CSTPP1: variants seen among roughly 807,000 people sequenced by gnomAD.
The protein encoded by CSTPP1 is centriolar satellite-associated tubulin polyglutamylase complex regulator 1, also known as UPF0705 protein C11orf49.
chr11:46,993,668 T>C, the CSTPP1 span, among the ~76,000 whole-genome samples: 2 of 152,202 alleles, frequency 1.3e-5, no homozygotes, highest in Non-Finnish European at 2.9e-5. Context: ...CATGCTGTTT[T>C]GGTTACTGTA....
chr11:46,974,905 A>AC, the CSTPP1 span, among the ~76,000 whole-genome samples: 6 of 143,756 alleles, frequency 4.2e-5, no homozygotes, highest in South Asian at 4.5e-4. Context: ...CACACACACA[A>AC]TACTCCAATT....
At chr11:47,006,731 G>T in the CSTPP1 span, among the ~76,000 whole-genome samples, 1 of 148,782 alleles carries the variant, frequency 6.7e-6, no homozygotes. Context: ...TGGGACCACA[G>T]TTGCACGCCA....
the CSTPP1 span, among the ~76,000 whole-genome samples, chr11:46,978,260 T>G: frequency 6.6e-6 from 1 of 152,128 alleles, no homozygotes; most frequent in Non-Finnish European, 1.5e-5. Context: ...AAAGTGCCAC[T>G]GGAAATATTT....
the CSTPP1 span, among the ~76,000 whole-genome samples, chr11:47,127,465 G>T: frequency 4.6e-5 from 7 of 152,172 alleles, no homozygotes; most frequent in Non-Finnish European, 7.3e-5. Context: ...AAGAACAAAG[G>T]CTTGACAAAA....
At chr11:47,145,874 A>T in the CSTPP1 span, among the ~76,000 whole-genome samples, 1 of 152,072 alleles carries the variant, frequency 6.6e-6, no homozygotes, top group Non-Finnish European at 1.5e-5. Flanking sequence ...GGCCTCAGGC[A>T]TTCCTCCTGC....
chr11:47,160,299 CA>C, the CSTPP1 span: 11,905 of 101,956 alleles, frequency 0.12, 626 homozygotes, highest in South Asian at 0.16. Flanking sequence ...AACTCTGTCT[CA>C]AAAAAAAAAA....
At chr11:47,016,397 C>CAAAAAAAAAAAAAAAAAAAAAAA in the CSTPP1 span, among the ~76,000 whole-genome samples, 1 of 74,698 alleles carries the variant, frequency 1.3e-5, no homozygotes, top group Non-Finnish European at 2.7e-5. Context: ...CTACAAAAAA[C>CAAAAAAAAAAAAAAAAAAAAAAA]AAAAAACAAA....
chr11:47,103,267 G>A, the CSTPP1 span, among the ~76,000 whole-genome samples: 2 of 151,932 alleles, frequency 1.3e-5, no homozygotes, highest in Non-Finnish European at 2.9e-5. Context: ...TGGTGTGGTG[G>A]CACATACCTG....
the CSTPP1 span, among the ~76,000 whole-genome samples, chr11:47,003,998 T>C: frequency 6.6e-6 from 1 of 152,152 alleles, no homozygotes; most frequent in Non-Finnish European, 1.5e-5. Flanking sequence ...TTCATCTTCA[T>C]TGTGTGTTGT....
At chr11:47,010,942 T>C in the CSTPP1 span, among the ~76,000 whole-genome samples, 1 of 152,204 alleles carries the variant, frequency 6.6e-6, no homozygotes, top group African/African-American at 2.4e-5. Flanking sequence ...AGAAGTTTTC[T>C]TGGAAGGACA....
chr11:47,132,998 A>G, the CSTPP1 span, among the ~76,000 whole-genome samples: 2 of 152,222 alleles, frequency 1.3e-5, no homozygotes, highest in East Asian at 3.8e-4. Flanking sequence ...TGTTCTAAGC[A>G]CTTTACATTA....
the CSTPP1 span, among the ~76,000 whole-genome samples, chr11:47,088,266 C>G: frequency 6.6e-6 from 1 of 152,132 alleles, no homozygotes; most frequent in Non-Finnish European, 1.5e-5. Context: ...AGTACAGTGC[C>G]TAGCACATAA....
chr11:47,057,446 C>G, the CSTPP1 span, among the ~76,000 whole-genome samples: 1 of 152,124 alleles, frequency 6.6e-6, no homozygotes, highest in African/African-American at 2.4e-5. Flanking sequence ...GGTACTTCCT[C>G]TTCTATCTGT....
the CSTPP1 span, among the ~76,000 whole-genome samples, chr11:47,099,008 G>C: frequency 3.3e-5 from 5 of 151,706 alleles, no homozygotes; most frequent in African/African-American, 1.2e-4. Flanking sequence ...GGGACTGACG[G>C]GTCTTGCTAC....
At chr11:47,125,608 T>A in the CSTPP1 span, among the ~76,000 whole-genome samples, 1 of 152,262 alleles carries the variant, frequency 6.6e-6, no homozygotes, top group African/African-American at 2.4e-5. Context: ...GGAAGTATAA[T>A]AACTTTTATT....
At chr11:47,041,010 C>T in the CSTPP1 span, 1 of 146,066 alleles carries the variant, frequency 6.8e-6, no homozygotes, top group South Asian at 1.2e-4. Flanking sequence ...GCAGCTGGGG[C>T]TGGCAGTGGT....
chr11:46,986,187 T>C, the CSTPP1 span, among the ~76,000 whole-genome samples: 16 of 152,136 alleles, frequency 1.1e-4, no homozygotes, highest in African/African-American at 3.9e-4. Flanking sequence ...CTATCCAAGA[T>C]TAAGCTACCA....
the CSTPP1 span, among the ~76,000 whole-genome samples, chr11:47,058,788 A>G: frequency 6.6e-6 from 1 of 152,190 alleles, no homozygotes; most frequent in African/African-American, 2.4e-5. Flanking sequence ...ATGCCAGGAG[A>G]AGCCATGAAG....
chr11:46,993,153 G>A, the CSTPP1 span, among the ~76,000 whole-genome samples: 7 of 152,154 alleles, frequency 4.6e-5, no homozygotes, highest in African/African-American at 1.7e-4. Context: ...TGTCAGATGG[G>A]TAGATTGCAG....
Sources: allele counts gnomAD v4.1 joint callset (sites outside exome capture counted in the v4.1 genomes callset), GRCh38; gene constraint gnomAD v4.1.1; transcripts MANE v1.5; gene names NCBI Gene and HGNC (gene_info 2026-07-23, HGNC 2026-07-21).